EGFL6: variants seen among roughly 807,000 people sequenced by gnomAD.
The protein encoded by EGFL6 is EGF like domain multiple 6, also known as epidermal growth factor-like protein 6.
In EGFL6, 42 loss-of-function variants were observed where a neutral mutation model predicts 43.1. That is an observed-to-expected ratio of 0.98 (90% CI 0.76 to 1.26). The LOEUF is 1.26. Among genes scored for constraint, EGFL6 ranks in the 50% most tolerant of loss-of-function variants. EGFL6 has a pLI of 0.00. For missense variants in EGFL6, 429 were observed against 427.8 expected (o/e 1.00, Z -0.02); for synonymous variants, 164 against 163.2 (o/e 1.01, Z -0.04).
chrX:13,625,343 T>G (rs2045772306), intron 10 of EGFL6: 1 of 110,814 alleles, frequency 9.0e-6, no homozygotes, highest in Non-Finnish European at 1.9e-5. Flanking sequence ...GAGACCAGCC[T>G]GGGCAACACT....
At chrX:13,589,725 T>G (rs377729521) in intron 2 of EGFL6, 57 bp downstream of exon 2, 7 of 1,008,219 alleles carry the variant, frequency 6.9e-6, no homozygotes, top group East Asian at 6.4e-5. Flanking sequence ...GGTTTTTATC[T>G]GTCATACCAT....
intron 1 of EGFL6, 81 bp from the exon 2 acceptor site, chrX:13,589,475 T>G (rs1569203140): frequency 1.2e-6 from 1 of 815,343 alleles, no homozygotes; most frequent in Admixed American, 3.1e-5. Flanking sequence ...AATTGACATC[T>G]CTGGTTCTTT....
chrX:13,627,349 T>C (rs768884663), intron 11 of EGFL6, 73 bp downstream of exon 11: 349 of 1,123,972 alleles, frequency 3.1e-4, no homozygotes, highest in Non-Finnish European at 4.1e-4. Flanking sequence ...AAACAAAACA[T>C]TTACTGAAGT....
intron 4 of EGFL6, among the ~76,000 whole-genome samples, chrX:13,602,097 G>A (rs1238247873): frequency 8.9e-6 from 1 of 111,803 alleles, no homozygotes; most frequent in African/African-American, 3.3e-5. Context: ...GTCTCTTTCT[G>A]TATATCTAGG....
In EGFL6 at chrX:13,619,061, G is replaced by C. The variant is rs1002023855; in HGVS notation, c.1103-102G>C. ...ACTGCTCTAATATATTCTGTAATTA[G>C]AATACATGATCTAACCTTCTTTGTT... On this transcript the variant is annotated intron_variant, in intron 8 of 11. Coordinates refer to ENST00000361306, the MANE Select transcript of EGFL6 (RefSeq NM_015507.4). 21 of 607,366 alleles carry C rather than the reference G, an allele frequency of 3.5e-5. No individual in the cohort carries two copies. The African/African-American group carries it at 4.7e-4, about 14-fold the overall frequency. The allele number at this position is 607,366 out of a possible 1,213,427, so 50.1% of individuals were successfully genotyped here.
chrX:13,599,248 A>T (rs1297381619), intron 3 of EGFL6, among the ~76,000 whole-genome samples: 1 of 111,569 alleles, frequency 9.0e-6, no homozygotes, highest in Non-Finnish European at 1.9e-5. Flanking sequence ...GTGCATATAT[A>T]AAAAATGTAT....
At chrX:13,578,165 C>T (rs2045484482) in intron 1 of EGFL6, among the ~76,000 whole-genome samples, 1 of 111,041 alleles carries the variant, frequency 9.0e-6, no homozygotes, top group African/African-American at 3.3e-5. Context: ...TTCTGGATAT[C>T]ACATTTATTA....
At chrX:13,618,770 A>G (rs1184339307) in intron 8 of EGFL6, among the ~76,000 whole-genome samples, 1 of 111,297 alleles carries the variant, frequency 9.0e-6, no homozygotes, top group Non-Finnish European at 1.9e-5. Context: ...ACTGGTGGTC[A>G]TATATACAAA....
At chrX:13,622,727 T>C (rs767577204) in intron 9 of EGFL6, among the ~76,000 whole-genome samples, 2 of 112,522 alleles carry the variant, frequency 1.8e-5, no homozygotes, top group Admixed American at 9.4e-5. Context: ...GATGCAGTCA[T>C]TGATGTTATG....
chrX:13,607,690 A>G (rs1260759375), intron 6 of EGFL6, among the ~76,000 whole-genome samples: 1 of 112,710 alleles, frequency 8.9e-6, no homozygotes, highest in Non-Finnish European at 1.9e-5. Context: ...AAAGGTGACT[A>G]AGATTAACAT....
intron 7 of EGFL6, among the ~76,000 whole-genome samples, chrX:13,614,504 C>G (rs779606634): frequency 8.9e-6 from 1 of 112,225 alleles, no homozygotes; most frequent in African/African-American, 3.2e-5. Context: ...CATATTCCTC[C>G]TGGGTAAGAT....
chrX:13,605,721 G>A (rs2045656767), intron 5 of EGFL6, among the ~76,000 whole-genome samples: 1 of 112,040 alleles, frequency 8.9e-6, no homozygotes, highest in African/African-American at 3.2e-5. Context: ...TTAGTAGATT[G>A]GTCAGCATAG....
chrX:13,599,559 G>A (rs998501643), intron 3 of EGFL6, among the ~76,000 whole-genome samples: 1 of 109,475 alleles, frequency 9.1e-6, no homozygotes, highest in African/African-American at 3.3e-5. Flanking sequence ...GTATTCCATT[G>A]TGTGAATATA....
chrX:13,623,376 G>GTTTTTTTTTTTT (rs1569209997), intron 9 of EGFL6, among the ~76,000 whole-genome samples: 2 of 41,035 alleles, frequency 4.9e-5, no homozygotes, highest in East Asian at 1.3e-3. Context: ...TTTTATTTTG[G>GTTTTTTTTTTTT]GTTTTTTTTT....
intron 8 of EGFL6, 138 bp downstream of exon 8, chrX:13,618,191 T>C: frequency 1.7e-6 from 1 of 577,091 alleles, no homozygotes; most frequent in Middle Eastern, 5.6e-4. Flanking sequence ...CAACATTCTC[T>C]GTAATGTCTA....
intron 7 of EGFL6, among the ~76,000 whole-genome samples, chrX:13,609,510 G>A (rs1372617753): frequency 9.0e-6 from 1 of 111,398 alleles, no homozygotes; most frequent in East Asian, 2.8e-4. Flanking sequence ...CTAGCACTTT[G>A]GGAGGCCCAG....
At chrX:13,595,894 A>G (rs1032705367) in intron 3 of EGFL6, among the ~76,000 whole-genome samples, 22 of 109,675 alleles carry the variant, frequency 2.0e-4, no homozygotes, top group Non-Finnish European at 2.1e-4. Context: ...TACTTTTTAC[A>G]GTTTTTGTAT....
chrX:13,605,219 T>C lies in EGFL6; in HGVS notation c.521-1160T>C, dbSNP rs773799402. Among the ~76,000 whole-genome samples the C allele has an allele frequency of 3.6e-5, 4 of 111,271 alleles. No individual in the cohort carries two copies. The South Asian group carries it at 1.5e-3, about 42-fold the overall frequency. On this transcript the variant is annotated intron_variant, in intron 5 of 11. Coordinates refer to ENST00000361306, the MANE Select transcript of EGFL6 (RefSeq NM_015507.4). ...GTTCAACCCAACACTTATTTATTAT[T>C]TGGAAAATGCAAGAGGCCAGCCTGG...
chrX:13,629,155 C>A (rs2045797817), intron 11 of EGFL6, among the ~76,000 whole-genome samples: 1 of 112,449 alleles, frequency 8.9e-6, no homozygotes, highest in Non-Finnish European at 1.9e-5. Context: ...ATGACACATG[C>A]ATTAATTTGA....
Sources: gnomAD v4.1 joint callset for allele counts (sites outside exome capture counted in the v4.1 genomes callset) on GRCh38, gnomAD v4.1.1 for gene constraint, MANE v1.5 for transcripts, NCBI Gene and HGNC (gene_info 2026-07-23, HGNC 2026-07-21) for gene names.